Variants in NBEA observed in about 807,000 individuals in gnomAD.
NBEA encodes the protein lysosomal-trafficking regulator 2.
In NBEA, 44 loss-of-function variants were observed where a neutral mutation model predicts 343.4. The observed-to-expected ratio is 0.13, with a 90% CI of 0.10 to 0.16. The LOEUF (loss-of-function observed/expected upper bound fraction) is 0.16. Ranked by LOEUF, NBEA falls within the 10% of genes least tolerant of loss-of-function variation. The pLI is 1.00. For missense variants in NBEA, 2,555 were observed against 3,631.3 expected (o/e 0.70, Z 7.62); for synonymous variants, 1,175 against 1,238.7 (o/e 0.95, Z 1.08).
At position 35,375,909 on chromosome 13, in the gene NBEA, A is replaced by T. The variant is rs189304317; in HGVS notation, c.6179+23586A>T. Among the ~76,000 whole-genome samples the T allele has an allele frequency of 2.4e-3, 367 of 152,294 alleles. 2 individuals are homozygous for T. Among genetic ancestry groups the T allele is most frequent in the African/African-American group, 8.5e-3 (354 of 41,574 alleles). The stretch of plus-strand genomic sequence containing the variant: ...TACAGTTAATAGATAAATTGTTTCT[A>T]CCTAAATATTTGAAATGTAATGCCT... On this transcript the variant is annotated intron_variant, in intron 38 of 58. Transcript: ENST00000379939.
At chr13:35,618,995 A>G (rs1362945342) in intron 48 of NBEA, among the ~76,000 whole-genome samples, 3 of 151,928 alleles carry the variant, frequency 2.0e-5, no homozygotes, top group Admixed American at 2.0e-4. Context: ...CTCTGCTCAT[A>G]TTGTATTATA....
intron 43 of NBEA, 27 bp downstream of exon 43, chr13:35,551,059 T>A (rs375850378): frequency 1.6e-6 from 2 of 1,262,564 alleles, no homozygotes; most frequent in African/African-American, 1.5e-5. Flanking sequence ...ACATATTATC[T>A]ATGGCTTGTT....
At chr13:35,539,419 T>A (rs2078704337) in intron 41 of NBEA, among the ~76,000 whole-genome samples, 1 of 152,086 alleles carries the variant, frequency 6.6e-6, no homozygotes, top group South Asian at 2.1e-4. Context: ...TGGTTAGAAT[T>A]TAAGAGCTAG....
intron 39 of NBEA, among the ~76,000 whole-genome samples, chr13:35,451,838 G>T (rs1167228376): frequency 2.0e-5 from 3 of 152,090 alleles, no homozygotes; most frequent in African/African-American, 7.2e-5. Context: ...CAACTGCTAG[G>T]TTCCTCCAAA....
intron 30 of NBEA, among the ~76,000 whole-genome samples, chr13:35,192,162 C>G (rs915623390): frequency 2.0e-5 from 3 of 152,014 alleles, no homozygotes; most frequent in Non-Finnish European, 2.9e-5. Flanking sequence ...ATAACCTACA[C>G]AGATGCAATC....
chr13:35,316,439 A>G (rs1159652118), intron 36 of NBEA, among the ~76,000 whole-genome samples: 1 of 152,136 alleles, frequency 6.6e-6, no homozygotes, highest in Non-Finnish European at 1.5e-5. Flanking sequence ...ACATGAACTC[A>G]TCTTTACTTT....
At chr13:34,943,769 C>G (rs773800769) in intron 1 of NBEA, among the ~76,000 whole-genome samples, 1 of 152,144 alleles carries the variant, frequency 6.6e-6, no homozygotes, top group Non-Finnish European at 1.5e-5. Context: ...TTTTTGTGCA[C>G]ACAAGGTGTG....
intron 39 of NBEA, among the ~76,000 whole-genome samples, chr13:35,446,030 T>C (rs951339115): frequency 2.5e-4 from 37 of 150,738 alleles, no homozygotes; most frequent in African/African-American, 9.0e-4. Flanking sequence ...AGTGTTCTCA[T>C]TGTTCAATTC....
intron 36 of NBEA, among the ~76,000 whole-genome samples, chr13:35,325,195 A>G (rs567695256): frequency 6.6e-6 from 1 of 152,164 alleles, no homozygotes; most frequent in African/African-American, 2.4e-5. Context: ...AAAACAATCG[A>G]TTATACCAAA....
At chr13:35,299,111 A>T (rs746741693) in intron 35 of NBEA, among the ~76,000 whole-genome samples, 10 of 152,090 alleles carry the variant, frequency 6.6e-5, no homozygotes, top group Non-Finnish European at 1.3e-4. Context: ...ATGAACATTC[A>T]CTTTGAAAAT....
At chr13:35,294,770 C>T (rs940753389) in intron 35 of NBEA, among the ~76,000 whole-genome samples, 6 of 152,006 alleles carry the variant, frequency 3.9e-5, no homozygotes, top group African/African-American at 1.4e-4. Flanking sequence ...TTGTATGGTT[C>T]AGTAAATGGG....
intron 10 of NBEA, among the ~76,000 whole-genome samples, chr13:35,098,072 T>TTA (rs1295667824): frequency 6.6e-6 from 1 of 152,094 alleles, no homozygotes; most frequent in Non-Finnish European, 1.5e-5. Flanking sequence ...AACTACACAG[T>TTA]TATGATTCAG....
intron 40 of NBEA, among the ~76,000 whole-genome samples, chr13:35,460,678 C>T (rs2046853752): frequency 6.6e-6 from 1 of 152,138 alleles, no homozygotes; most frequent in Non-Finnish European, 1.5e-5. Context: ...CTATAAGGTA[C>T]TCTTAATTGT....
intron 25 of NBEA, 125 bp from the exon 26 acceptor site, chr13:35,171,147 T>G: frequency 1.1e-6 from 1 of 907,520 alleles, no homozygotes; most frequent in Non-Finnish European, 1.8e-6. Flanking sequence ...AGTTGAACAT[T>G]TATTTTATTT....
At chr13:34,984,844 G>T (rs1389845182) in intron 1 of NBEA, among the ~76,000 whole-genome samples, 2 of 150,864 alleles carry the variant, frequency 1.3e-5, no homozygotes, top group Non-Finnish European at 3.0e-5. Context: ...CTGTTTGTCT[G>T]TTATTGGTGT....
At chr13:35,075,605 G>T (rs1421256327) in intron 10 of NBEA, among the ~76,000 whole-genome samples, 1 of 152,000 alleles carries the variant, frequency 6.6e-6, no homozygotes, top group Non-Finnish European at 1.5e-5. Context: ...CATATGAACA[G>T]TCCTCTTGTA....
At chr13:35,527,651 G>A (rs2078046322) in intron 41 of NBEA, among the ~76,000 whole-genome samples, 1 of 152,180 alleles carries the variant, frequency 6.6e-6, no homozygotes. Context: ...GCCTTGTACT[G>A]TACCAGAACG....
At chr13:35,287,215 A>C (rs1566569227) in intron 34 of NBEA, among the ~76,000 whole-genome samples, 1 of 151,972 alleles carries the variant, frequency 6.6e-6, no homozygotes, top group Admixed American at 6.6e-5. Context: ...TAGAATATTT[A>C]TTCCAGTGAA....
intron 55 of NBEA, among the ~76,000 whole-genome samples, chr13:35,662,068 T>C (rs1216132790): frequency 6.6e-6 from 1 of 152,198 alleles, no homozygotes; most frequent in Non-Finnish European, 1.5e-5. Flanking sequence ...CCAGAGACCA[T>C]CTCACTAAAA....
Sources: allele counts gnomAD v4.1 joint callset (sites outside exome capture counted in the v4.1 genomes callset), GRCh38; gene constraint gnomAD v4.1.1; transcripts MANE v1.5; gene names NCBI Gene and HGNC (gene_info 2026-07-23, HGNC 2026-07-21).